Variants in MYNN observed in about 807,000 individuals in gnomAD.
MYNN encodes zinc finger and BTB domain-containing protein 31.
MYNN carries 22 observed loss-of-function variants against 57.2 expected under a neutral mutation model. That is an observed-to-expected ratio of 0.38 (90% CI 0.27 to 0.55). The LOEUF is 0.55. Among genes scored for constraint, MYNN ranks in the 20% least tolerant of loss-of-function variants. The probability of loss-of-function intolerance (pLI) is 0.71; values close to 1 mark genes in which losing one functional copy is unlikely to be tolerated. For missense variants in MYNN, 566 were observed against 723.1 expected, an observed-to-expected ratio of 0.78 and a Z score of 2.49; for synonymous variants, 241 against 257.1, an observed-to-expected ratio of 0.94 and a Z score of 0.60.
At position 169,780,583 on chromosome 3, in the gene MYNN, C is replaced by T. The variant is rs1444294241; in HGVS notation, c.1061-7C>T. 3 of 1,577,872 alleles carry T rather than the reference C, an allele frequency of 1.9e-6. No individual in the cohort carries two copies. The highest frequency in any genetic ancestry group is 2.7e-5 in the African/African-American group (2 of 72,790). ...TCTTCTAAATATAAATTTTATTGTT[C>T]CTTTAGGTGAGAAGCCATACAAATG... On this transcript the variant is annotated splice_polypyrimidine_tract_variant and splice_region_variant and intron_variant, in intron 3 of 7. Coordinates refer to ENST00000349841, the MANE Select transcript of MYNN (RefSeq NM_018657.5).
intron 4 of MYNN, 148 bp downstream of exon 4, chr3:169,780,897 C>T: frequency 1.4e-6 from 1 of 701,238 alleles, no homozygotes; most frequent in Non-Finnish European, 2.2e-6. Flanking sequence ...CACAAGGAAG[C>T]CACAGTGGTT....
chr3:169,784,392 T>C (rs1920120), intron 6 of MYNN, among the ~76,000 whole-genome samples: 50,506 of 151,780 alleles, frequency 0.33, 9,030 homozygotes, highest in East Asian at 0.68. Flanking sequence ...CATTTCTGTT[T>C]ATGAAAATGC....
At chr3:169,779,584 T>TA (rs745683785) in intron 3 of MYNN, 23 bp downstream of exon 3, 1 of 1,597,908 alleles carries the variant, frequency 6.3e-7, no homozygotes, top group Non-Finnish European at 8.5e-7. Context: ...TGTGGGGAGA[T>TA]ATTATTTTTA....
At chr3:169,778,705 C>G in intron 2 of MYNN, 63 bp from the exon 3 acceptor site, 3 of 1,305,462 alleles carry the variant, frequency 2.3e-6, no homozygotes, top group African/African-American at 1.5e-5. Context: ...AGTATATATG[C>G]AGCTCTGTTT....
In MYNN at chr3:169,779,056, T is replaced by C. The variant is rs759454956; in HGVS notation, c.555T>C (p.Ala185=). Residue 185 remains alanine (A), a synonymous_variant, in exon 3 of 8, where the codon GCT becomes GCC. Transcript: ENST00000349841. ...KSSQTKKKKK[A]FNSPKTGQNK... is the part of the protein sequence containing the mutation. The stretch of plus-strand genomic sequence containing the variant: ...CTCAAACGAAAAAGAAGAAGAAGGC[T>C]TTCAACTCCCCGAAAACAGGGCAGA... The C allele has an allele frequency of 1.9e-6, 3 of 1,614,118 alleles. No homozygotes were observed. Among genetic ancestry groups the C allele is most frequent in the Non-Finnish European group, 2.5e-6 (3 of 1,180,030 alleles).
At position 169,788,899 on chromosome 3, in the gene MYNN, T is replaced by A. The variant is rs1383618318; in HGVS notation, c.*2221T>A. ...ATCATAATATGCATATATTTAGTTG[T>A]ATCTGGTATCATTCTAACACTCATA... On this transcript the variant is annotated 3_prime_UTR_variant, in exon 8 of 8. Transcript: ENST00000349841. 1 of 152,186 alleles carries A rather than the reference T, an allele frequency of 6.6e-6. No individual in the cohort carries two copies. The highest frequency in any genetic ancestry group is 2.4e-5 in the African/African-American group (1 of 41,456). The allele number at this position is 152,186 out of a possible 1,614,324, so 9.4% of individuals were successfully genotyped here.
intron 5 of MYNN, among the ~76,000 whole-genome samples, chr3:169,783,117 T>A (rs1778567413): frequency 6.6e-6 from 1 of 152,052 alleles, no homozygotes; most frequent in Admixed American, 6.6e-5. Context: ...GTACATTTTT[T>A]AAAAGACTTC....
At chr3:169,780,533 G>T in intron 3 of MYNN, 57 bp from the exon 4 acceptor site, 1 of 1,296,788 alleles carries the variant, frequency 7.7e-7, no homozygotes, top group Non-Finnish European at 1.1e-6. Context: ...AATCTTATAT[G>T]ACTTATGCAA....
At chr3:169,781,137 A>G (rs1778502166) in intron 4 of MYNN, among the ~76,000 whole-genome samples, 2 of 152,224 alleles carry the variant, frequency 1.3e-5, no homozygotes, top group African/African-American at 4.8e-5. Context: ...TAGATTCTGG[A>G]TATATTTTAA....
intron 3 of MYNN, chr3:169,780,061 TTC>T (rs1192835838): frequency 1.3e-5 from 2 of 158,854 alleles, no homozygotes; most frequent in Non-Finnish European, 2.8e-5. Flanking sequence ...TCGTACTTTT[TTC>T]TTTTTTTTTT....
chr3:169,774,671 T>G lies in MYNN; in HGVS notation c.266+110T>G, dbSNP rs944047405. Reference sequence around the variant, plus strand: ...CTCTGAACTCAAATTCTTCACCTATTTATGCACACAATGTTTGTTTTTATA... The same window carrying G: ...CTCTGAACTCAAATTCTTCACCTATGTATGCACACAATGTTTGTTTTTATA... On this transcript the variant is annotated intron_variant, in intron 2 of 7. Coordinates refer to ENST00000349841, the MANE Select transcript of MYNN (RefSeq NM_018657.5). 4.1e-6 allele frequency: 4 copies of G among 975,248 alleles called. No homozygotes were observed. The Admixed American group carries it at 9.1e-5, about 22-fold the overall frequency. The allele number at this position is 975,248 out of a possible 1,614,324, so 60.4% of individuals were successfully genotyped here.
chr3:169,778,933 T>A lies in MYNN; in HGVS notation c.432T>A (p.Leu144=), dbSNP rs2108202016. ...TTGAATTGAATCAACAGACTTGTCT[T>A]CTTACTCTGCGAGATTATAATAATC... ...GNIELNQQTC[L]LTLRDYNNRE... is the part of the protein sequence containing the mutation. Residue 144 remains leucine, a synonymous_variant, in exon 3 of 8, where the codon CTT becomes CTA. Transcript: ENST00000349841. 6.2e-7 allele frequency: 1 copy of A among 1,614,014 alleles called. No individual in the cohort carries two copies. Among genetic ancestry groups the A allele is most frequent in the South Asian group, 1.1e-5 (1 of 91,084 alleles).
chr3:169,778,936 TACTC>T lies in MYNN; in HGVS notation c.436_439del (p.Thr146CysfsTer16). ...AATTGAATCAACAGACTTGTCTTCT[TACTC>T]TGCGAGATTATAATAATCGAGAGAA... On this transcript the variant is annotated frameshift_variant, in exon 3 of 8. Transcript: ENST00000349841. LOFTEE classifies it high-confidence loss of function. The T allele has an allele frequency of 6.2e-7, 1 of 1,613,984 alleles. No individual in the cohort carries two copies. The highest frequency in any genetic ancestry group is 8.5e-7 in the Non-Finnish European group (1 of 1,179,996).
chr3:169,779,757 A>C, intron 3 of MYNN, 196 bp downstream of exon 3: 1 of 589,528 alleles, frequency 1.7e-6, no homozygotes, highest in South Asian at 2.5e-5. Flanking sequence ...TTTAAGCCCT[A>C]ATGCATCAAC....
In MYNN at chr3:169,789,674, T is replaced by A; in HGVS notation, c.*2996T>A. 1 of 152,254 alleles carries A rather than the reference T, an allele frequency of 6.6e-6. No homozygotes were observed. Among genetic ancestry groups the A allele is most frequent in the Admixed American group, 6.5e-5 (1 of 15,274 alleles). 9.4% of individuals were successfully genotyped at this position (152,254 alleles called of 1,614,324 possible). A position where few individuals can be genotyped will look rare whatever the true frequency, so the allele number is the denominator to read the frequency against. On this transcript the variant is annotated 3_prime_UTR_variant, in exon 8 of 8. Coordinates refer to ENST00000349841, the MANE Select transcript of MYNN (RefSeq NM_018657.5). ...ACTAATTTTTGTTAGAGATGGGGTT[T>A]CATTCTGTTGGCCAGGCTGGTCTCG...
chr3:169,779,299 CTG>C lies in MYNN; in HGVS notation c.801_802del (p.Ala268SerfsTer8). 2 of 1,614,194 alleles carry C rather than the reference CTG, an allele frequency of 1.2e-6. No individual in the cohort carries two copies. Among genetic ancestry groups the C allele is most frequent in the Non-Finnish European group, 1.7e-6 (2 of 1,180,044 alleles). ...GGAAACGTGGAAAATCACAGCCAAA[CTG>C]TGCTCTGAAAGAACACTCTATGTCT... The part of the protein sequence containing the change: ...KRKRGKSQPN[C>X]ALKEHSMSNI... On this transcript the variant is annotated frameshift_variant, in exon 3 of 8. Transcript: ENST00000349841. LOFTEE classifies it high-confidence loss of function.
Position 169,773,400 on chromosome 3 carries a change from A to T in MYNN, c.-94A>T, listed in dbSNP as rs886882639. On this transcript the variant is annotated 5_prime_UTR_variant, in exon 1 of 8. Transcript: ENST00000349841. Reference sequence around the variant, plus strand: ...GGGAGGGGCGGAGCGTGGCTCGGTGACGTCCTCCCAAGATGGCGGAGACAG... The same window carrying T: ...GGGAGGGGCGGAGCGTGGCTCGGTGTCGTCCTCCCAAGATGGCGGAGACAG... 1.3e-5 allele frequency: 2 copies of T among 152,352 alleles called. No individual in the cohort carries two copies. The highest frequency in any genetic ancestry group is 2.9e-5 in the Non-Finnish European group (2 of 68,132). 9.4% of individuals were successfully genotyped at this position (152,352 alleles called of 1,614,324 possible).
chr3:169,780,807 A>C, intron 4 of MYNN, 58 bp downstream of exon 4: 6 of 1,342,312 alleles, frequency 4.5e-6, no homozygotes, highest in Non-Finnish European at 6.1e-6. Flanking sequence ...TAGTCTTATG[A>C]ATAGACTATT....
Position 169,787,041 on chromosome 3 carries a change from T to A in MYNN, c.*363T>A, listed in dbSNP as rs1288017832. 5.0e-6 allele frequency: 1 copy of A among 201,298 alleles called. No individual in the cohort carries two copies. The highest frequency in any genetic ancestry group is 1.0e-5 in the Non-Finnish European group (1 of 95,924). The allele number at this position is 201,298 out of a possible 1,614,324, so 12.5% of individuals were successfully genotyped here. ...TGTGACCTGTGGGATTTTAAAATTT[T>A]CCTGCCCTCATAATTTAAGCAAAAT... On this transcript the variant is annotated 3_prime_UTR_variant, in exon 8 of 8. Transcript: ENST00000349841.
Sources: allele counts gnomAD v4.1 joint callset (sites outside exome capture counted in the v4.1 genomes callset), GRCh38; gene constraint gnomAD v4.1.1; transcripts MANE v1.5; gene names NCBI Gene and HGNC (gene_info 2026-07-23, HGNC 2026-07-21).